RFTN2: variants seen among roughly 807,000 people sequenced by gnomAD.
RFTN2 encodes the protein raftlin-2.
In RFTN2, 34 loss-of-function variants were observed where a neutral mutation model predicts 52.7. That is an observed-to-expected ratio of 0.64 (90% confidence interval 0.49 to 0.86). RFTN2 has a LOEUF of 0.86. RFTN2 is among the 40% of genes least tolerant of loss of function. The pLI is 0.00. For synonymous variants in RFTN2, 203 were observed against 217.7 expected (o/e 0.93, Z 0.59); for missense variants, 536 against 600.1 (o/e 0.89, Z 1.12).
At chr2:197,601,416 CA>C (rs1400922679) in intron 7 of RFTN2, among the ~76,000 whole-genome samples, 1 of 152,166 alleles carries the variant, frequency 6.6e-6, no homozygotes, top group Non-Finnish European at 1.5e-5. Context: ...TGTACATTAA[CA>C]TGCTTGTTTC....
At chr2:197,630,018 C>T (rs1358983941) in intron 5 of RFTN2, among the ~76,000 whole-genome samples, 1 of 152,208 alleles carries the variant, frequency 6.6e-6, no homozygotes, top group Non-Finnish European at 1.5e-5. Context: ...GCCACAGTGC[C>T]TGGCCTACTG....
At chr2:197,638,633 T>C (rs1396051913) in intron 3 of RFTN2, among the ~76,000 whole-genome samples, 33 of 148,140 alleles carry the variant, frequency 2.2e-4, no homozygotes, top group African/African-American at 4.3e-4. Context: ...CTATGTGTGT[T>C]TCTGCACGTG....
chr2:197,621,418 T>TTC (rs397933205), intron 5 of RFTN2, among the ~76,000 whole-genome samples: 2 of 151,164 alleles, frequency 1.3e-5, no homozygotes, highest in African/African-American at 4.9e-5. Context: ...TTTTTTTTTT[T>TTC]CAAATTGAAG....
rs2087265777 is a variant in RFTN2, at chr2:197,568,235, C to G, written c.*3773G>C. The stretch of plus-strand genomic sequence containing the variant: ...TTGATACTTATACATTTATCTTACA[C>G]ATAAATGATTCATTTATTCCATTGA... On this transcript the variant is annotated 3_prime_UTR_variant, in exon 9 of 9. Transcript: ENST00000295049. 1 of 152,180 alleles carries G rather than the reference C, an allele frequency of 6.6e-6. No homozygotes were observed. Among genetic ancestry groups the G allele is most frequent in the Admixed American group, 6.5e-5 (1 of 15,282 alleles). The allele number at this position is 152,180 out of a possible 1,614,324, so 9.4% of individuals were successfully genotyped here.
chr2:197,644,059 G>T, intron 3 of RFTN2, 99 bp downstream of exon 3: 1 of 779,092 alleles, frequency 1.3e-6, no homozygotes. Context: ...AAAGTTACCT[G>T]TCATTTCCTT....
At chr2:197,613,510 C>T (rs947422448) in intron 7 of RFTN2, among the ~76,000 whole-genome samples, 2 of 152,324 alleles carry the variant, frequency 1.3e-5, no homozygotes, top group East Asian at 1.9e-4. Flanking sequence ...AAACTTCGGG[C>T]TCTATCCTCT....
rs558709373 is a variant in RFTN2 at position 197,621,743 on chromosome 2, T to C, written c.929-3822A>G. 2.3e-4 allele frequency among the ~76,000 whole-genome samples: 35 copies of C among 152,218 alleles called. No homozygotes were observed. In the South Asian group the frequency reaches 6.9e-3, roughly 30 times the overall value. On this transcript the variant is annotated intron_variant, in intron 5 of 8. Coordinates refer to ENST00000295049, the MANE Select transcript of RFTN2 (RefSeq NM_144629.3). ...TCTCGAGGCCCCCATTCCCTGAAATTAGGCCAATTAATAACCCCGAAATAG... is the reference window on the plus strand; with the variant it reads ...TCTCGAGGCCCCCATTCCCTGAAATCAGGCCAATTAATAACCCCGAAATAG...
At chr2:197,633,651 A>G in intron 4 of RFTN2, 67 bp downstream of exon 4, 2 of 1,327,134 alleles carry the variant, frequency 1.5e-6, no homozygotes, top group East Asian at 4.6e-5. Context: ...TATTTCTAAA[A>G]AAAACCTCAA....
intron 3 of RFTN2, among the ~76,000 whole-genome samples, chr2:197,634,699 A>T (rs868117832): frequency 2.7e-4 from 38 of 141,468 alleles, no homozygotes; most frequent in Middle Eastern, 3.6e-3. Context: ...TTTATTTTTT[A>T]TTTTTTTTTT....
chr2:197,575,783 T>C (rs560045583), intron 8 of RFTN2, among the ~76,000 whole-genome samples: 16 of 141,968 alleles, frequency 1.1e-4, no homozygotes, highest in Middle Eastern at 3.6e-3. Flanking sequence ...ATATTCTATA[T>C]ATAATATATT....
intron 8 of RFTN2, among the ~76,000 whole-genome samples, chr2:197,582,289 T>G (rs1258650497): frequency 6.6e-6 from 1 of 152,270 alleles, no homozygotes; most frequent in East Asian, 1.9e-4. Context: ...ACTCACTCTT[T>G]GTTGAGTCTC....
chr2:197,594,166 C>A (rs1204962116), intron 8 of RFTN2, among the ~76,000 whole-genome samples: 1 of 151,622 alleles, frequency 6.6e-6, no homozygotes, highest in Non-Finnish European at 1.5e-5. Flanking sequence ...CAGGCACGTG[C>A]CACCACGCCT....
At chr2:197,611,826 G>A (rs2088066276) in intron 7 of RFTN2, among the ~76,000 whole-genome samples, 1 of 152,028 alleles carries the variant, frequency 6.6e-6, no homozygotes, top group Admixed American at 6.6e-5. Context: ...TGTTCTCATT[G>A]GTTTCAAAGA....
chr2:197,623,587 T>C (rs1319358341), intron 5 of RFTN2, among the ~76,000 whole-genome samples: 1 of 152,220 alleles, frequency 6.6e-6, no homozygotes, highest in Non-Finnish European at 1.5e-5. Context: ...CAACTGATTC[T>C]TGTGCTTCAG....
intron 5 of RFTN2, among the ~76,000 whole-genome samples, chr2:197,619,838 GT>G (rs2088230692): frequency 6.8e-6 from 1 of 147,454 alleles, no homozygotes; most frequent in South Asian, 2.1e-4. Flanking sequence ...CTCTTGGAAA[GT>G]TTTTCTTTCT....
chr2:197,651,616 C>CA (rs528085526), intron 1 of RFTN2, among the ~76,000 whole-genome samples: 59 of 151,108 alleles, frequency 3.9e-4, no homozygotes, highest in Non-Finnish European at 7.1e-4. Flanking sequence ...AACTCCATCT[C>CA]AAAAAAACAA....
chr2:197,647,069 G>GT (rs979719372), intron 1 of RFTN2, among the ~76,000 whole-genome samples: 11 of 152,194 alleles, frequency 7.2e-5, no homozygotes, highest in African/African-American at 2.6e-4. Flanking sequence ...TGTCTTATGA[G>GT]TTTTTTCAAT....
intron 1 of RFTN2, among the ~76,000 whole-genome samples, chr2:197,665,542 C>T (rs6757632): frequency 0.58 from 57,755 of 98,850 alleles, 15,464 homozygotes; most frequent in Middle Eastern, 0.74. Context: ...TTACTGTTTT[C>T]GACTTACTGT....
At position 197,618,502 on chromosome 2, in the gene RFTN2, C is replaced by T. The variant is rs1446438612; in HGVS notation, c.929-581G>A. 3.0e-4 allele frequency among the ~76,000 whole-genome samples: 46 copies of T among 152,086 alleles called. No homozygotes were observed. In the South Asian group the frequency reaches 4.8e-3, roughly 16 times the overall value. ...GCCGAGATTGCAGCCTCTGCCCGGC[C>T]GCCACCCCGTCTGGGAAGTGAGGAG... On this transcript the variant is annotated intron_variant, in intron 5 of 8. Coordinates refer to ENST00000295049, the MANE Select transcript of RFTN2 (RefSeq NM_144629.3).
Sources: gnomAD v4.1 joint callset for allele counts (sites outside exome capture counted in the v4.1 genomes callset) on GRCh38, gnomAD v4.1.1 for gene constraint, MANE v1.5 for transcripts, NCBI Gene and HGNC (gene_info 2026-07-23, HGNC 2026-07-21) for gene names.